Variants in KRTCAP2 observed in about 807,000 individuals in gnomAD.
KRTCAP2 encodes keratinocyte associated protein 2, also known as dolichyl-diphosphooligosaccharide--protein glycosyltransferase subunit KCP2.
In KRTCAP2, 10 loss-of-function variants were observed where a neutral mutation model predicts 16.5. The observed-to-expected ratio is 0.60, with a 90% CI of 0.37 to 1.02. The LOEUF is 1.02. Ranked by LOEUF, KRTCAP2 falls within the 50% of genes least tolerant of loss-of-function variation. The pLI is 0.01. For synonymous variants in KRTCAP2, 68 were observed against 69.8 expected (o/e 0.97, Z 0.13); for missense variants, 152 against 159.6 (o/e 0.95, Z 0.26).
intron 2 of KRTCAP2, 34 bp downstream of exon 2, chr1:155,172,704 C>T: frequency 6.2e-7 from 1 of 1,614,140 alleles, no homozygotes; most frequent in South Asian, 1.1e-5. Context: ...CACATGCCTA[C>T]GTGGCCCGCC....
At position 155,170,666 on chromosome 1, in the gene KRTCAP2, G is replaced by C. The variant is rs190669370; in HGVS notation, c.224-809C>G. ...TTCATGGGGGCAGGAAAGGATTTTA[G>C]GTTACCTGGAATATGATGGGAGAGA... On this transcript the variant is annotated intron_variant, in intron 3 of 4. Transcript: ENST00000295682. The C allele has an allele frequency of 2.0e-5, 3 of 152,466 alleles. No individual in the cohort carries two copies. In the East Asian group the frequency reaches 5.8e-4, roughly 29 times the overall value. 9.4% of individuals were successfully genotyped at this position (152,466 alleles called of 1,614,324 possible).
rs1226069010 is a variant in KRTCAP2 at position 155,169,986 on chromosome 1, T to G, written c.224-129A>C. 4.7e-6 allele frequency: 3 copies of G among 638,044 alleles called. No homozygotes were observed. The East Asian group carries it at 8.5e-5, about 18-fold the overall frequency. 39.5% of individuals were successfully genotyped at this position (638,044 alleles called of 1,614,324 possible). A position where few individuals can be genotyped will look rare whatever the true frequency, so the allele number is the denominator to read the frequency against. On this transcript the variant is annotated intron_variant, in intron 3 of 4. Transcript: ENST00000295682. ...ACCTGCTTAGAAGGGTAAGCGTGAC[T>G]ACAGCAGGAGGATTCTGATTACCTT...
intron 3 of KRTCAP2, chr1:155,170,125 A>G (rs965032542): frequency 9.4e-6 from 3 of 320,396 alleles, no homozygotes; most frequent in Non-Finnish European, 1.8e-5. Flanking sequence ...GTTTGAGACC[A>G]GCCTGAACAA....
At chr1:155,172,678 T>TGGGGAA in intron 2 of KRTCAP2, 50 bp from the exon 3 acceptor site, 2 of 1,614,012 alleles carry the variant, frequency 1.2e-6, no homozygotes, top group South Asian at 1.1e-5. Flanking sequence ...CAGAGCTGTG[T>TGGGGAA]GGGGAAGGGG....
chr1:155,169,487 C>T lies in KRTCAP2; in HGVS notation c.364G>A (p.Val122Ile), dbSNP rs767417973. ...CCTGTGACCTTGGCTGGTGTGAGGA[C>T]TGGAGCTGCTGCCTGGTACAGGGTG... ...SSTLYQAAAPVLTPAKVTGKS... is the reference protein window; with the variant it reads ...SSTLYQAAAPILTPAKVTGKS... Residue 122 changes from valine (V) to isoleucine (I), a missense_variant, in exon 5 of 5, where the codon GTC becomes ATC. Coordinates refer to ENST00000295682, the MANE Select transcript of KRTCAP2 (RefSeq NM_173852.4). The T allele has an allele frequency of 6.2e-6, 10 of 1,614,004 alleles. No homozygotes were observed. Among genetic ancestry groups the T allele is most frequent in the Non-Finnish European group, 8.5e-6 (10 of 1,179,970 alleles).
chr1:155,169,639 C>T, intron 4 of KRTCAP2, 79 bp from the exon 5 acceptor site: 2 of 1,520,094 alleles, frequency 1.3e-6, no homozygotes, highest in Non-Finnish European at 1.8e-6. Flanking sequence ...ACACTAGCAT[C>T]AAGGAAAGAA....
At chr1:155,171,864 A>G in intron 3 of KRTCAP2, 1 of 980,304 alleles carries the variant, frequency 1.0e-6, no homozygotes. Flanking sequence ...AAAAAAAAAA[A>G]AAAAAGAGAA....
At position 155,172,845 on chromosome 1, in the gene KRTCAP2, G is replaced by A. The variant is rs770010273; in HGVS notation, c.52C>T (p.Leu18=). The A allele has an allele frequency of 1.2e-6, 2 of 1,614,234 alleles. No homozygotes were observed. Among genetic ancestry groups the A allele is most frequent in the Non-Finnish European group, 1.7e-6 (2 of 1,180,038 alleles). The change falls in exon 2 of 5, where the codon CTG becomes TTG. Residue 18 remains leucine, a synonymous_variant. Coordinates refer to ENST00000295682, the MANE Select transcript of KRTCAP2 (RefSeq NM_173852.4). ...SLALSSLLSL[L]LFAGMQMYSR... ...TACATCTGCATCCCAGCAAAGAGCAGCAGGGACAGGAGGGAGGAGAGCGCC... is the reference window on the plus strand; with the variant it reads ...TACATCTGCATCCCAGCAAAGAGCAACAGGGACAGGAGGGAGGAGAGCGCC...
At chr1:155,173,199 G>C (rs1368240244) in intron 1 of KRTCAP2, 22 bp downstream of exon 1, 3 of 1,607,846 alleles carry the variant, frequency 1.9e-6, no homozygotes, top group South Asian at 2.2e-5. Flanking sequence ...GGACTTCCTG[G>C]GGACCCCACC....
chr1:155,171,622 C>T, intron 3 of KRTCAP2: 2 of 963,710 alleles, frequency 2.1e-6, no homozygotes, highest in Non-Finnish European at 2.5e-6. Flanking sequence ...CTCTGGGAGG[C>T]TGAAATAGGA....
chr1:155,172,028 C>T (rs968342469), intron 3 of KRTCAP2: 5 of 990,292 alleles, frequency 5.0e-6, no homozygotes, highest in Non-Finnish European at 6.0e-6. Context: ...CCATAAATAA[C>T]TGAATCATCA....
At position 155,169,485 on chromosome 1, in the gene KRTCAP2, G is replaced by T; in HGVS notation, c.366C>A (p.Val122=). 1.2e-6 allele frequency: 2 copies of T among 1,614,068 alleles called. No homozygotes were observed. The highest frequency in any genetic ancestry group is 2.2e-5 in the South Asian group (2 of 91,038). ...TGCCTGTGACCTTGGCTGGTGTGAGGACTGGAGCTGCTGCCTGGTACAGGG... is the reference window on the plus strand; with the variant it reads ...TGCCTGTGACCTTGGCTGGTGTGAGTACTGGAGCTGCTGCCTGGTACAGGG... ...SSTLYQAAAP[V]LTPAKVTGKS... Residue 122 remains valine, a synonymous_variant, in exon 5 of 5, where the codon GTC becomes GTA. Transcript: ENST00000295682.
chr1:155,171,896 AG>A, intron 3 of KRTCAP2: 1 of 983,118 alleles, frequency 1.0e-6, no homozygotes, highest in Non-Finnish European at 1.2e-6. Flanking sequence ...CAACCATGAT[AG>A]ATCTTTGTTT....
rs780356926 is a variant in KRTCAP2, at chr1:155,169,800, A to T, written c.281T>A (p.Val94Asp). Residue 94 changes from valine (V) to aspartate (D), a missense_variant, in exon 4 of 5, where the codon GTC (valine) becomes GAC (aspartate). Physicochemically the swap from Val to Asp is radical, Grantham distance 152. Transcript: ENST00000295682. ...GCTGTCAAGAACATACCAGGTGGTG[A>T]CACAGACTCGGTGGATGAGGCCAGA... ...FASGLIHRVCVTTCFIFSMVG... is the reference protein window; with the variant it reads ...FASGLIHRVCDTTCFIFSMVG... 3.8e-6 allele frequency: 6 copies of T among 1,595,358 alleles called. No individual in the cohort carries two copies. The highest frequency in any genetic ancestry group is 1.7e-5 in the Admixed American group (1 of 57,252).
intron 1 of KRTCAP2, 93 bp downstream of exon 1, chr1:155,173,128 A>C: frequency 8.5e-7 from 1 of 1,177,302 alleles, no homozygotes. Context: ...AACCCAGGAC[A>C]CGTCAGCTCT....
chr1:155,169,420 A>G lies in KRTCAP2; in HGVS notation c.*20T>C, dbSNP rs1557803062. 6.2e-7 allele frequency: 1 copy of G among 1,613,118 alleles called. No homozygotes were observed. The highest frequency in any genetic ancestry group is 8.5e-7 in the Non-Finnish European group (1 of 1,179,528). ...CAACTCACAGAGCTACAAAGAATCA[A>G]CTTTATTGAACATTCAGGGTCAGTT... On this transcript the variant is annotated 3_prime_UTR_variant, in exon 5 of 5. Transcript: ENST00000295682.
intron 3 of KRTCAP2, chr1:155,172,170 C>T: frequency 1.9e-6 from 2 of 1,053,916 alleles, no homozygotes; most frequent in Non-Finnish European, 2.3e-6. Context: ...CTTCACAATT[C>T]CCTCAAATAA....
In KRTCAP2 at chr1:155,172,904, G is replaced by A; in HGVS notation, c.5-12C>T. The A allele has an allele frequency of 1.2e-6, 2 of 1,613,286 alleles. No individual in the cohort carries two copies. Among genetic ancestry groups the A allele is most frequent in the Non-Finnish European group, 8.5e-7 (1 of 1,179,718 alleles). On this transcript the variant is annotated splice_polypyrimidine_tract_variant and intron_variant, in intron 1 of 4. Coordinates refer to ENST00000295682, the MANE Select transcript of KRTCAP2 (RefSeq NM_173852.4). ...GCCCGTACCCACCACTGGAGGGGAT[G>A]GGAGAAGGGACGGAGAGTCAGGCTC... is the stretch of plus-strand genomic sequence containing the variant.
intron 3 of KRTCAP2, chr1:155,171,849 A>G (rs1166261525): frequency 3.3e-6 from 1 of 303,574 alleles, no homozygotes; most frequent in Non-Finnish European, 4.7e-6. Flanking sequence ...CCTTGTCTCA[A>G]AAAAAAAAAA....
Sources: gnomAD v4.1 joint callset for allele counts on GRCh38, gnomAD v4.1.1 for gene constraint, MANE v1.5 for transcripts, NCBI Gene and HGNC (gene_info 2026-07-23, HGNC 2026-07-21) for gene names.